Variants in ULK4 observed in about 807,000 individuals in gnomAD.
ULK4 encodes the protein unc-51 like kinase 4.
ULK4 carries 133 observed loss-of-function variants against 160.6 expected under a neutral mutation model. The observed-to-expected ratio is 0.83, with a 90% confidence interval of 0.72 to 0.96. The LOEUF (loss-of-function observed/expected upper bound fraction) is 0.96, where lower values mean the gene tolerates loss of function less well. Ranked by LOEUF, ULK4 falls within the 40% of genes least tolerant of loss-of-function variation. The pLI, the probability that ULK4 is intolerant of heterozygous loss-of-function variation, is 0.00. For missense variants in ULK4, 1,580 were observed against 1,499.5 expected (o/e 1.05, Z -0.89); for synonymous variants, 534 against 539.8 (o/e 0.99, Z 0.15).
chr3:41,759,886 C>T (rs982928921), intron 21 of ULK4, among the ~76,000 whole-genome samples: 1 of 152,116 alleles, frequency 6.6e-6, no homozygotes, highest in African/African-American at 2.4e-5. Context: ...GCTGGAACAC[C>T]TGAACATCCA....
intron 31 of ULK4, among the ~76,000 whole-genome samples, chr3:41,593,441 T>A (rs181641475): frequency 6.6e-6 from 1 of 152,256 alleles, no homozygotes; most frequent in Admixed American, 6.5e-5. Context: ...ATGAAATCTG[T>A]AACTGAAATC....
chr3:41,697,979 C>T (rs775692933), intron 27 of ULK4, among the ~76,000 whole-genome samples: 2 of 152,142 alleles, frequency 1.3e-5, no homozygotes, highest in African/African-American at 2.4e-5. Flanking sequence ...TATCTTTATA[C>T]GGTATTTTCA....
intron 22 of ULK4, among the ~76,000 whole-genome samples, chr3:41,732,404 C>A (rs2037861797): frequency 6.6e-6 from 1 of 151,984 alleles, no homozygotes; most frequent in South Asian, 2.1e-4. Flanking sequence ...AAACTAAAAC[C>A]ACAATGAGGT....
chr3:41,310,271 G>A (rs1033313177), intron 35 of ULK4, among the ~76,000 whole-genome samples: 1 of 152,142 alleles, frequency 6.6e-6, no homozygotes. Flanking sequence ...TTAGACTGGT[G>A]CCAATCTGTG....
At chr3:41,416,836 C>T (rs1305907589) in intron 34 of ULK4, among the ~76,000 whole-genome samples, 1 of 151,992 alleles carries the variant, frequency 6.6e-6, no homozygotes, top group Non-Finnish European at 1.5e-5. Flanking sequence ...CCAAATTTGT[C>T]CAAATGAGAC....
chr3:41,788,634 G>A lies in ULK4; in HGVS notation c.2193+1027C>T, dbSNP rs150837916. On this transcript the variant is annotated intron_variant, in intron 21 of 36. Transcript: ENST00000301831. ...GAACCCAGGAGGCGGAGCTTGCAGT[G>A]AGCTGAGATCACACCACTGCACTCC... Among the ~76,000 whole-genome samples the A allele has an allele frequency of 2.4e-3, 363 of 151,938 alleles. 1 individual carries two copies. Among genetic ancestry groups the A allele is most frequent in the Non-Finnish European group, 4.0e-3 (271 of 67,974 alleles).
At chr3:41,334,713 T>C (rs1047950987) in intron 35 of ULK4, among the ~76,000 whole-genome samples, 2 of 152,222 alleles carry the variant, frequency 1.3e-5, no homozygotes, top group Admixed American at 1.3e-4. Context: ...GTCTTTGAAG[T>C]GTACTGCCTA....
At chr3:41,395,615 C>T (rs896069128) in intron 35 of ULK4, among the ~76,000 whole-genome samples, 2 of 152,010 alleles carry the variant, frequency 1.3e-5, no homozygotes, top group Non-Finnish European at 2.9e-5. Context: ...TTATCAGGCA[C>T]TGGGAGAAGG....
At chr3:41,354,472 G>T (rs1286833188) in intron 35 of ULK4, among the ~76,000 whole-genome samples, 1 of 152,136 alleles carries the variant, frequency 6.6e-6, no homozygotes, top group East Asian at 1.9e-4. Flanking sequence ...TTTCAAACGG[G>T]CTAACTCATT....
At chr3:41,393,709 A>T (rs2125810031) in intron 35 of ULK4, among the ~76,000 whole-genome samples, 1 of 152,280 alleles carries the variant, frequency 6.6e-6, no homozygotes, top group East Asian at 1.9e-4. Flanking sequence ...TGCTTTGCAC[A>T]TAGTCATAAC....
chr3:41,432,648 C>A (rs1459842493), intron 34 of ULK4, among the ~76,000 whole-genome samples: 1 of 152,154 alleles, frequency 6.6e-6, no homozygotes, highest in East Asian at 1.9e-4. Flanking sequence ...TTTCCCAGGA[C>A]ATACACTGCT....
chr3:41,560,501 A>G (rs895742616), intron 32 of ULK4, among the ~76,000 whole-genome samples: 1 of 152,172 alleles, frequency 6.6e-6, no homozygotes, highest in Non-Finnish European at 1.5e-5. Context: ...ATGAACATGG[A>G]ATGTTTTCCC....
chr3:41,407,163 A>G (rs1000606726), intron 34 of ULK4, among the ~76,000 whole-genome samples: 1 of 152,206 alleles, frequency 6.6e-6, no homozygotes, highest in Admixed American at 6.5e-5. Flanking sequence ...TGGGTAGCAC[A>G]TTATCAATTA....
At chr3:41,901,137 T>C (rs1416802372) in intron 12 of ULK4, among the ~76,000 whole-genome samples, 3 of 150,550 alleles carry the variant, frequency 2.0e-5, no homozygotes, top group Non-Finnish European at 3.0e-5. Context: ...TAAACTGTGA[T>C]GAGGCAAATT....
chr3:41,531,771 T>G (rs2086329277), intron 32 of ULK4, among the ~76,000 whole-genome samples: 1 of 152,124 alleles, frequency 6.6e-6, no homozygotes. Context: ...GAGAAGAAAT[T>G]TCAGTTCAGT....
chr3:41,293,529 T>C (rs985306607), intron 35 of ULK4, among the ~76,000 whole-genome samples: 1 of 152,196 alleles, frequency 6.6e-6, no homozygotes, highest in Non-Finnish European at 1.5e-5. Flanking sequence ...TGTTACAGGC[T>C]GTAACATCAT....
intron 17 of ULK4, among the ~76,000 whole-genome samples, chr3:41,853,641 C>A (rs905977137): frequency 5.9e-5 from 9 of 152,326 alleles, no homozygotes; most frequent in Middle Eastern, 3.4e-3. Flanking sequence ...CTGCAGCCCA[C>A]TGACAGCCAG....
At chr3:41,856,693 T>A (rs978324130) in intron 17 of ULK4, among the ~76,000 whole-genome samples, 9 of 148,228 alleles carry the variant, frequency 6.1e-5, no homozygotes, top group Non-Finnish European at 1.0e-4. Flanking sequence ...CAGAAAAGCA[T>A]CTAAGAGTTC....
chr3:41,815,150 G>A (rs1409089733), intron 19 of ULK4, among the ~76,000 whole-genome samples: 4 of 152,078 alleles, frequency 2.6e-5, no homozygotes, highest in East Asian at 1.9e-4. Flanking sequence ...CTCATGATCC[G>A]CCTGCCTTGG....
Sources: gnomAD v4.1 joint callset for allele counts (sites outside exome capture counted in the v4.1 genomes callset) on GRCh38, gnomAD v4.1.1 for gene constraint, MANE v1.5 for transcripts, NCBI Gene and HGNC (gene_info 2026-07-23, HGNC 2026-07-21) for gene names.